Variants in WDPCP observed in about 807,000 individuals in gnomAD.
WDPCP encodes the protein WD repeat containing planar cell polarity effector, also known as WD repeat-containing and planar cell polarity effector protein fritz homolog.
In WDPCP, 71 loss-of-function variants were observed where a neutral mutation model predicts 93.1. The observed-to-expected ratio is 0.76, with a 90% CI of 0.63 to 0.93. The LOEUF is 0.93. Ranked by LOEUF, WDPCP falls within the 40% of genes least tolerant of loss-of-function variation. WDPCP has a pLI of 0.00. For missense variants in WDPCP, 844 were observed against 887.4 expected (o/e 0.95, Z 0.62); for synonymous variants, 315 against 315.0 (o/e 1.00, Z 0.00).
Position 63,704,047 on chromosome 2 carries a change from A to G in WDPCP, n.309-53209T>C, listed in dbSNP as rs188230596. 2.0e-4 allele frequency among the ~76,000 whole-genome samples: 31 copies of G among 152,112 alleles called. No homozygotes were observed. In the East Asian group the frequency reaches 4.4e-3, roughly 22 times the overall value. Reference sequence around the variant, plus strand: ...TGTAAGTTGGATTCCTAGGTATTTTATTCTCTTTGAAGCAATTGTGAATGA... The same window carrying G: ...TGTAAGTTGGATTCCTAGGTATTTTGTTCTCTTTGAAGCAATTGTGAATGA... On this transcript the variant is annotated intron_variant and non_coding_transcript_variant, in intron 2 of 4. Coordinates refer to the WDPCP transcript ENST00000467687.
chr2:63,230,270 C>A (rs560012301), intron 14 of WDPCP, among the ~76,000 whole-genome samples: 133 of 152,098 alleles, frequency 8.7e-4, no homozygotes, highest in Non-Finnish European at 1.4e-3. Context: ...TGAACTCATC[C>A]TTTTTTATGG....
At chr2:63,824,481 C>T (rs1349370868) in intron 1 of WDPCP, among the ~76,000 whole-genome samples, 1 of 132,026 alleles carries the variant, frequency 7.6e-6, no homozygotes, top group Non-Finnish European at 1.5e-5. Flanking sequence ...CCAGGAGGTC[C>T]AGGCTGCTGT....
chr2:63,402,489 AAAAAT>A (rs1317761268), intron 10 of WDPCP, among the ~76,000 whole-genome samples: 5 of 152,192 alleles, frequency 3.3e-5, no homozygotes, highest in South Asian at 2.1e-4. Flanking sequence ...AAATAAAAAT[AAAAAT>A]AAAATAAAAG....
At chr2:63,465,515 C>T (rs1453887949) in intron 6 of WDPCP, among the ~76,000 whole-genome samples, 1 of 152,142 alleles carries the variant, frequency 6.6e-6, no homozygotes, top group Non-Finnish European at 1.5e-5. Context: ...TAATTTTTTA[C>T]AGTGCCCCTA....
chr2:63,598,208 A>C (rs1709353717), intron 3 of WDPCP: 1 of 152,126 alleles, frequency 6.6e-6, no homozygotes, highest in Non-Finnish European at 1.5e-5. Context: ...GGCTCACTGC[A>C]ACCTCTGCCT....
chr2:63,551,396 G>A (rs1004540570), intron 1 of WDPCP, among the ~76,000 whole-genome samples: 1 of 152,104 alleles, frequency 6.6e-6, no homozygotes. Flanking sequence ...TGCCCTCCTT[G>A]AGATAGCAAG....
At chr2:63,588,086 C>A in intron 1 of WDPCP, 111 bp downstream of exon 1, 1 of 1,311,328 alleles carries the variant, frequency 7.6e-7, no homozygotes, top group Non-Finnish European at 1.1e-6. Context: ...AAGGGACCGG[C>A]GAGCTTGCAG....
chr2:63,631,051 T>C (rs1709859986), intron 3 of WDPCP, among the ~76,000 whole-genome samples: 1 of 152,076 alleles, frequency 6.6e-6, no homozygotes, highest in Admixed American at 6.6e-5. Context: ...GAGGCCTAGG[T>C]GGATGGAACA....
At chr2:63,533,262 A>G (rs2106251531) in intron 1 of WDPCP, among the ~76,000 whole-genome samples, 1 of 152,330 alleles carries the variant, frequency 6.6e-6, no homozygotes, top group South Asian at 2.1e-4. Context: ...TAATAATGGG[A>G]GACTTGAACA....
At chr2:63,800,871 G>C (rs761156477) in intron 2 of WDPCP, among the ~76,000 whole-genome samples, 5 of 151,970 alleles carry the variant, frequency 3.3e-5, no homozygotes, top group Admixed American at 6.6e-5. Flanking sequence ...CTGGGCAACA[G>C]AGAGAAACCC....
chr2:63,233,271 AT>A (rs1010709777), intron 14 of WDPCP: 4 of 192,966 alleles, frequency 2.1e-5, no homozygotes, highest in Non-Finnish European at 4.3e-5. Context: ...GAAAAATTCA[AT>A]TTTGTTCTTT....
Position 63,484,600 on chromosome 2 carries a change from T to A in WDPCP, c.384+4A>T, listed in dbSNP as rs1558695950. 2.5e-6 allele frequency: 4 copies of A among 1,612,794 alleles called. No individual in the cohort carries two copies. In the South Asian group the frequency reaches 4.4e-5, roughly 18 times the overall value. ...CACTGCAAAGGCTTGTCAAATCATT[T>A]TACCTGACAGACATATTTGTTCTTC... On this transcript the variant is annotated splice_donor_region_variant and intron_variant, in intron 6 of 17. Coordinates refer to ENST00000272321, the MANE Select transcript of WDPCP (RefSeq NM_015910.7).
chr2:63,430,300 G>A (rs547687372), intron 9 of WDPCP, among the ~76,000 whole-genome samples: 3 of 151,984 alleles, frequency 2.0e-5, no homozygotes, highest in African/African-American at 7.3e-5. Flanking sequence ...TGATGGTTTC[G>A]ATCATACCCC....
At chr2:63,495,521 A>G (rs1416501323) in intron 1 of WDPCP, among the ~76,000 whole-genome samples, 1 of 152,240 alleles carries the variant, frequency 6.6e-6, no homozygotes, top group African/African-American at 2.4e-5. Flanking sequence ...GTTTTAAAAT[A>G]TCAGTTAGTG....
chr2:63,391,139 C>G lies in WDPCP; in HGVS notation c.1436-9045G>C, dbSNP rs147208701. On this transcript the variant is annotated intron_variant, in intron 10 of 17. Coordinates refer to ENST00000272321, the MANE Select transcript of WDPCP (RefSeq NM_015910.7). ...TGATGAACATCGAAGCAAAAATCCT[C>G]AATAAAACACTGGCAAACCGAATCC... is the stretch of plus-strand genomic sequence containing the variant. Among the ~76,000 whole-genome samples, 1,052 of 152,284 alleles carry G rather than the reference C, an allele frequency of 6.9e-3. 7 individuals carry two copies. The highest frequency in any genetic ancestry group is 8.7e-3 in the Non-Finnish European group (589 of 68,026).
At chr2:63,707,091 G>A (rs1669170222) in intron 2 of WDPCP, among the ~76,000 whole-genome samples, 1 of 152,082 alleles carries the variant, frequency 6.6e-6, no homozygotes, top group Non-Finnish European at 1.5e-5. Context: ...TGGTGAATCT[G>A]ACAATTATGT....
chr2:63,313,376 T>C (rs567950760), intron 12 of WDPCP, 65 bp from the exon 13 acceptor site: 1 of 1,451,418 alleles, frequency 6.9e-7, no homozygotes, highest in Non-Finnish European at 9.6e-7. Flanking sequence ...AAGAGCTGTT[T>C]ATTTAACATA....
intron 2 of WDPCP, among the ~76,000 whole-genome samples, chr2:63,674,353 T>C (rs892731301): frequency 6.6e-5 from 10 of 151,962 alleles, no homozygotes; most frequent in African/African-American, 2.4e-4. Context: ...TCAGGTAGAA[T>C]GAAAAAGGAG....
intron 3 of WDPCP, among the ~76,000 whole-genome samples, chr2:63,595,725 T>C (rs952011924): frequency 2.6e-5 from 4 of 152,208 alleles, no homozygotes; most frequent in African/African-American, 9.7e-5. Context: ...GGTAAAGGAC[T>C]ATCCTTTTTT....
Sources: allele counts gnomAD v4.1 joint callset (sites outside exome capture counted in the v4.1 genomes callset), GRCh38; gene constraint gnomAD v4.1.1; transcripts MANE v1.5; gene names NCBI Gene and HGNC (gene_info 2026-07-23, HGNC 2026-07-21).